Variants in DGKB observed in about 807,000 individuals in gnomAD.
DGKB encodes the protein diacylglycerol kinase beta.
A neutral mutation model predicts 114.3 loss-of-function variants in DGKB; 67 were observed. That is an observed-to-expected ratio of 0.59 (90% CI 0.48 to 0.72). The LOEUF (loss-of-function observed/expected upper bound fraction) is 0.72, where lower values mean the gene tolerates loss of function less well. Among genes scored for constraint, DGKB ranks in the 30% least tolerant of loss-of-function variants. The pLI, the probability that DGKB is intolerant of heterozygous loss-of-function variation, is 0.00. For synonymous variants in DGKB, 398 were observed against 323.1 expected (o/e 1.23, Z -2.49); for missense variants, 907 against 975.2 (o/e 0.93, Z 0.93).
At chr7:14,780,816 C>T (rs1348692603) in intron 2 of DGKB, among the ~76,000 whole-genome samples, 1 of 152,150 alleles carries the variant, frequency 6.6e-6, no homozygotes, top group African/African-American at 2.4e-5. Flanking sequence ...TTTATGCTGG[C>T]ATCATAACGT....
At chr7:14,208,928 G>A (rs563489948) in intron 23 of DGKB, 64 of 149,668 alleles carry the variant, frequency 4.3e-4, no homozygotes, top group African/African-American at 1.4e-3. Context: ...CTTCCTTTTG[G>A]ATTCTCCTCT....
chr7:14,643,786 C>A (rs1188481144), intron 13 of DGKB, among the ~76,000 whole-genome samples: 2 of 152,190 alleles, frequency 1.3e-5, no homozygotes, highest in Non-Finnish European at 2.9e-5. Flanking sequence ...AACCTGCAAA[C>A]CAGTTTAACT....
intron 1 of DGKB, among the ~76,000 whole-genome samples, chr7:14,897,173 T>G (rs1288705474): frequency 3.9e-5 from 6 of 151,900 alleles, no homozygotes; most frequent in Non-Finnish European, 8.8e-5. Context: ...AAAAATTGTA[T>G]TTGGAAAGCC....
At chr7:14,744,313 T>C (rs528265670) in intron 4 of DGKB, among the ~76,000 whole-genome samples, 1 of 152,272 alleles carries the variant, frequency 6.6e-6, no homozygotes, top group African/African-American at 2.4e-5. Flanking sequence ...GTTGGAGAGA[T>C]GGGTTGTTTT....
intron 2 of DGKB, among the ~76,000 whole-genome samples, chr7:14,813,777 A>T (rs1586681672): frequency 6.6e-6 from 1 of 152,186 alleles, no homozygotes; most frequent in African/African-American, 2.4e-5. Flanking sequence ...GTGATTTTTT[A>T]AAATCCTTCA....
At chr7:14,700,056 A>C (rs2129008490) in intron 7 of DGKB, among the ~76,000 whole-genome samples, 1 of 152,282 alleles carries the variant, frequency 6.6e-6, no homozygotes, top group Admixed American at 6.5e-5. Flanking sequence ...TGTAGTCACA[A>C]GTGCTATACT....
chr7:14,660,231 G>A (rs1477181531), intron 13 of DGKB, among the ~76,000 whole-genome samples: 11 of 151,884 alleles, frequency 7.2e-5, no homozygotes, highest in Non-Finnish European at 1.0e-4. Flanking sequence ...TTGGTATCAG[G>A]ATGATGCTGG....
At chr7:14,734,389 GC>G (rs1030427124) in intron 5 of DGKB, among the ~76,000 whole-genome samples, 2 of 152,098 alleles carry the variant, frequency 1.3e-5, no homozygotes, top group African/African-American at 4.8e-5. Context: ...GCTGGGACTC[GC>G]TAGACTTGTG....
At chr7:14,653,637 C>A (rs1159527767) in intron 13 of DGKB, among the ~76,000 whole-genome samples, 2 of 146,934 alleles carry the variant, frequency 1.4e-5, no homozygotes, top group Non-Finnish European at 3.0e-5. Context: ...CACATGTACT[C>A]TAAAACTTAA....
chr7:14,581,052 T>G, intron 18 of DGKB, 101 bp from the exon 19 acceptor site: 2 of 623,528 alleles, frequency 3.2e-6, no homozygotes, highest in Non-Finnish European at 2.7e-6. Context: ...GGAATTCCAA[T>G]AGGTACTCAT....
At chr7:14,183,139 C>T (rs778447397) in intron 23 of DGKB, among the ~76,000 whole-genome samples, 6 of 152,110 alleles carry the variant, frequency 3.9e-5, no homozygotes, top group Non-Finnish European at 5.9e-5. Context: ...GATTGTATGC[C>T]TTCCAGTGAT....
chr7:14,629,995 G>C (rs994409175), intron 14 of DGKB, among the ~76,000 whole-genome samples: 2 of 151,834 alleles, frequency 1.3e-5, no homozygotes, highest in African/African-American at 4.8e-5. Context: ...GTGAAGTCTA[G>C]GTCACATAAC....
chr7:14,627,954 A>C (rs7458360), intron 14 of DGKB, among the ~76,000 whole-genome samples: 5 of 91,508 alleles, frequency 5.5e-5, no homozygotes, highest in Non-Finnish European at 7.9e-5. Context: ...AAAAAACAAA[A>C]AAAAAAAACA....
chr7:14,352,565 G>A (rs117159630), intron 21 of DGKB, among the ~76,000 whole-genome samples: 2,570 of 152,214 alleles, frequency 0.017, 30 homozygotes, highest in Non-Finnish European at 0.029. Flanking sequence ...TATTTGAAAC[G>A]TAAAATGAAA....
intron 21 of DGKB, among the ~76,000 whole-genome samples, chr7:14,362,298 T>C (rs921551153): frequency 1.3e-5 from 2 of 152,184 alleles, no homozygotes; most frequent in Non-Finnish European, 2.9e-5. Flanking sequence ...AGGACCTCTA[T>C]TTCTTATTTA....
chr7:14,696,071 C>T (rs955868342), intron 8 of DGKB, among the ~76,000 whole-genome samples: 8 of 152,170 alleles, frequency 5.3e-5, no homozygotes, highest in Non-Finnish European at 7.3e-5. Context: ...TGTAGAAAGA[C>T]TACTCAGCCA....
rs990303945 is a variant in DGKB at position 14,648,304 on chromosome 7, G to A, written c.1135-18036C>T. On this transcript the variant is annotated intron_variant, in intron 13 of 25. Transcript: ENST00000402815. ...AGCATGCAGCTGGAGATCTGAGAAC[G>A]GGCAGACTGCCTCCTCAAGTGGGTC... Among the ~76,000 whole-genome samples, 22 of 152,248 alleles carry A rather than the reference G, an allele frequency of 1.4e-4. 1 individual carries two copies. The highest frequency in any genetic ancestry group is 6.5e-4 in the Admixed American group (10 of 15,296).
At chr7:14,836,674 A>G (rs1488878983) in intron 2 of DGKB, among the ~76,000 whole-genome samples, 1 of 152,136 alleles carries the variant, frequency 6.6e-6, no homozygotes, top group Non-Finnish European at 1.5e-5. Flanking sequence ...GAAGAAAATT[A>G]TACTCCTCTC....
chr7:14,622,764 C>G (rs1807892336), intron 14 of DGKB, among the ~76,000 whole-genome samples: 1 of 151,914 alleles, frequency 6.6e-6, no homozygotes, highest in African/African-American at 2.4e-5. Flanking sequence ...CTTTTTTTTA[C>G]CCTACTCCAG....
Sources: allele counts gnomAD v4.1 joint callset (sites outside exome capture counted in the v4.1 genomes callset), GRCh38; gene constraint gnomAD v4.1.1; transcripts MANE v1.5; gene names NCBI Gene and HGNC (gene_info 2026-07-23, HGNC 2026-07-21).